The following CELF2 variants were observed in gnomAD, a reference collection of about 807,000 sequenced individuals.
CELF2 encodes CUGBP Elav-like family member 2.
Under a neutral mutation model 62.6 loss-of-function variants are expected in CELF2, and 8 were observed. That is an observed-to-expected ratio of 0.13 (90% CI 0.07 to 0.23). The LOEUF (loss-of-function observed/expected upper bound fraction) is 0.23, where lower values mean the gene tolerates loss of function less well. Among genes scored for constraint, CELF2 ranks in the 10% least tolerant of loss-of-function variants. CELF2 has a pLI of 1.00. For synonymous variants in CELF2, 258 were observed against 250.0 expected, an observed-to-expected ratio of 1.03 and a Z score of -0.30; for missense variants, 333 against 671.0, an observed-to-expected ratio of 0.50 and a Z score of 5.56.
intron 1 of CELF2, among the ~76,000 whole-genome samples, chr10:11,033,135 T>G (rs2060384200): frequency 6.6e-6 from 1 of 152,228 alleles, no homozygotes; most frequent in South Asian, 2.1e-4. Flanking sequence ...CAGTGAAAAT[T>G]CTGAGGCATA....
At chr10:10,507,483 A>C in the CELF2 span, among the ~76,000 whole-genome samples, 1 of 152,218 alleles carries the variant, frequency 6.6e-6, no homozygotes, top group Non-Finnish European at 1.5e-5. Flanking sequence ...AAAAATCTAC[A>C]AAATACTAAG....
the CELF2 span, among the ~76,000 whole-genome samples, chr10:10,782,109 T>C: frequency 1.3e-5 from 2 of 152,184 alleles, no homozygotes; most frequent in Admixed American, 6.5e-5. Flanking sequence ...TCCTCCAATT[T>C]TGGTATTCAT....
chr10:11,261,793 AAGG>A (rs2080700092), intron 5 of CELF2, among the ~76,000 whole-genome samples: 1 of 152,218 alleles, frequency 6.6e-6, no homozygotes, highest in Admixed American at 6.5e-5. Context: ...TCATGGAGAA[AAGG>A]AGCAGGATGC....
At chr10:10,891,810 G>C (rs1335935983) in intron 1 of CELF2, among the ~76,000 whole-genome samples, 1 of 152,206 alleles carries the variant, frequency 6.6e-6, no homozygotes, top group Non-Finnish European at 1.5e-5. Flanking sequence ...TCTTGGAAGA[G>C]TCTGTTAATC....
chr10:10,919,975 CAG>C lies in CELF2; in HGVS notation c.68_69del (p.Glu23ValfsTer8). On this transcript the variant is annotated frameshift_variant, in exon 2 of 14. Coordinates refer to the CELF2 transcript ENST00000636488. LOFTEE classifies it high-confidence loss of function. ...TCTCCTTCCTGCAGAGAGACGGCCA[CAG>C]AGTTAGCTGGGAGTCTACCAAGGTG... 8.1e-7 allele frequency: 1 copy of C among 1,231,606 alleles called. No individual in the cohort carries two copies. Among genetic ancestry groups the C allele is most frequent in the African/African-American group, 1.5e-5 (1 of 64,528 alleles). 76.3% of individuals were successfully genotyped at this position (1,231,606 alleles called of 1,614,324 possible).
intron 2 of CELF2, among the ~76,000 whole-genome samples, chr10:11,166,826 TTA>T (rs1465446203): frequency 6.6e-6 from 1 of 152,256 alleles, no homozygotes; most frequent in Non-Finnish European, 1.5e-5. Flanking sequence ...TAGGAAATCT[TTA>T]AGACTGACAT....
At chr10:11,283,812 G>T (rs968309892) in intron 8 of CELF2, among the ~76,000 whole-genome samples, 5 of 151,520 alleles carry the variant, frequency 3.3e-5, no homozygotes, top group Admixed American at 2.6e-4. Context: ...TGAGTGGATG[G>T]GTGGATGGTG....
chr10:11,201,985 T>G (rs2059323782), intron 2 of CELF2, among the ~76,000 whole-genome samples: 1 of 152,192 alleles, frequency 6.6e-6, no homozygotes, highest in Admixed American at 6.5e-5. Flanking sequence ...CACCCATGCT[T>G]AACTCTCTTC....
Position 11,260,673 on chromosome 10 carries a change from A to C in CELF2, c.538+2801A>C, listed in dbSNP as rs945492960. ...TGTTTTTTTTTTTTTTAAACAGCAG[A>C]AAAGTAATTTCTGGTGAACTGATGA... On this transcript the variant is annotated intron_variant, in intron 5 of 12. Coordinates refer to ENST00000633077, the MANE Select transcript of CELF2 (RefSeq NM_001326342.2). The surrounding 1 kb of genome is among the most constrained non-coding windows in gnomAD (Gnocchi z 4.2). Among the ~76,000 whole-genome samples, 2 of 151,788 alleles carry C rather than the reference A, an allele frequency of 1.3e-5. No individual in the cohort carries two copies. The highest frequency in any genetic ancestry group is 2.9e-5 in the Non-Finnish European group (2 of 67,950).
At chr10:10,762,307 C>T in the CELF2 span, among the ~76,000 whole-genome samples, 4 of 151,966 alleles carry the variant, frequency 2.6e-5, no homozygotes, top group Middle Eastern at 3.2e-3. Flanking sequence ...AGAGGCAGGG[C>T]AGTATTCAGG....
chr10:11,258,664 C>G (rs1373487203), intron 5 of CELF2, among the ~76,000 whole-genome samples: 1 of 152,206 alleles, frequency 6.6e-6, no homozygotes, highest in African/African-American at 2.4e-5. Context: ...CTGCACTTCC[C>G]TGAGTCAGTC....
intron 1 of CELF2, among the ~76,000 whole-genome samples, chr10:10,871,210 T>C (rs2060725989): frequency 6.6e-6 from 1 of 152,208 alleles, no homozygotes; most frequent in African/African-American, 2.4e-5. Flanking sequence ...AAAGAAGGGT[T>C]CTTTTCTTTT....
At chr10:10,757,991 T>G in the CELF2 span, among the ~76,000 whole-genome samples, 1 of 152,222 alleles carries the variant, frequency 6.6e-6, no homozygotes, top group Admixed American at 6.5e-5. Flanking sequence ...GCCTGCACTC[T>G]GTCTACAGGT....
the CELF2 span, among the ~76,000 whole-genome samples, chr10:10,623,271 C>T: frequency 2.6e-5 from 4 of 151,888 alleles, no homozygotes; most frequent in East Asian, 1.9e-4. Context: ...CAGAGAGCAG[C>T]GAATGTGGGT....
chr10:10,580,421 G>T, the CELF2 span, among the ~76,000 whole-genome samples: 3 of 152,156 alleles, frequency 2.0e-5, no homozygotes, highest in Admixed American at 2.0e-4. Flanking sequence ...ACCCAGGAAT[G>T]ACTATAAGAA....
chr10:10,482,188 T>C, the CELF2 span, among the ~76,000 whole-genome samples: 1 of 152,246 alleles, frequency 6.6e-6, no homozygotes, highest in Non-Finnish European at 1.5e-5. Flanking sequence ...TTTCATTGCA[T>C]GGGGAAAGAT....
At chr10:11,114,036 C>T (rs945324632) in intron 1 of CELF2, among the ~76,000 whole-genome samples, 4 of 152,138 alleles carry the variant, frequency 2.6e-5, no homozygotes, top group Non-Finnish European at 4.4e-5. Flanking sequence ...TGGGCAAAAA[C>T]GGCTCATAAC....
chr10:10,577,892 G>A, the CELF2 span, among the ~76,000 whole-genome samples: 5 of 152,222 alleles, frequency 3.3e-5, no homozygotes, highest in African/African-American at 7.2e-5. Context: ...GGATGGCTGG[G>A]TCAAATGGTA....
the CELF2 span, among the ~76,000 whole-genome samples, chr10:10,655,805 G>A: frequency 7.4e-6 from 1 of 135,340 alleles, no homozygotes; most frequent in Non-Finnish European, 1.6e-5. Context: ...TCAGGACATA[G>A]GCACAGGCAA....
Sources: gnomAD v4.1 joint callset for allele counts (sites outside exome capture counted in the v4.1 genomes callset) on GRCh38, gnomAD v4.1.1 for gene constraint, Gnocchi (gnomAD v3.1) non-coding constraint, MANE v1.5 for transcripts, NCBI Gene and HGNC (gene_info 2026-07-23, HGNC 2026-07-21) for gene names.